Variants in TTBK2 observed in about 807,000 individuals in gnomAD.
TTBK2 encodes tau tubulin kinase 2, also known as tau-tubulin kinase 2.
A neutral mutation model predicts 110.8 loss-of-function variants in TTBK2; 28 were observed. The observed-to-expected ratio is 0.25, with a 90% CI of 0.19 to 0.35. TTBK2 has a LOEUF of 0.35. Among genes scored for constraint, TTBK2 ranks in the 10% least tolerant of loss-of-function variants. TTBK2 has a pLI of 1.00. For missense variants in TTBK2, 1,369 were observed against 1,500.3 expected (o/e 0.91, Z 1.45); for synonymous variants, 532 against 527.3 (o/e 1.01, Z -0.12).
chr15:42,753,071 T>C lies in TTBK2; in HGVS notation c.2175A>G (p.Gly725=), dbSNP rs759376111. ...TCTGAAGCCCCAAATCTGTTCTGCT[T>C]CCTCCACTAGGAGGTTCACCCTCTG... The part of the protein sequence containing the change: ...VVTEGEPPSG[G]SRTDLGLQID... The change falls in exon 14 of 15, where the codon GGA becomes GGG. Residue 725 remains glycine (G), a synonymous_variant. Coordinates refer to ENST00000267890, the MANE Select transcript of TTBK2 (RefSeq NM_173500.4). 23 of 1,610,566 alleles carry C rather than the reference T, an allele frequency of 1.4e-5. No individual in the cohort carries two copies. The South Asian group carries it at 2.3e-4, about 16-fold the overall frequency.
intron 7 of TTBK2, among the ~76,000 whole-genome samples, chr15:42,812,384 G>T (rs1595937192): frequency 6.6e-6 from 1 of 152,154 alleles, no homozygotes; most frequent in African/African-American, 2.4e-5. Context: ...CTGGGAATTT[G>T]TTACCACAGG....
intron 1 of TTBK2, among the ~76,000 whole-genome samples, chr15:42,880,679 C>A (rs1385722959): frequency 6.6e-6 from 1 of 152,128 alleles, no homozygotes; most frequent in Non-Finnish European, 1.5e-5. Flanking sequence ...TAAGCATGAA[C>A]CACTGCACCT....
At chr15:42,797,888 A>T (rs1891015096) in intron 9 of TTBK2, among the ~76,000 whole-genome samples, 1 of 150,390 alleles carries the variant, frequency 6.6e-6, no homozygotes, top group African/African-American at 2.4e-5. Flanking sequence ...TTTTATTTTT[A>T]TTTATTTATT....
At chr15:42,915,066 C>A (rs2031004634) in intron 1 of TTBK2, among the ~76,000 whole-genome samples, 1 of 152,264 alleles carries the variant, frequency 6.6e-6, no homozygotes, top group South Asian at 2.1e-4. Context: ...GCTACTGTTA[C>A]ACAGTAATCC....
At chr15:42,906,838 A>T (rs1288664226) in intron 1 of TTBK2, among the ~76,000 whole-genome samples, 2 of 152,160 alleles carry the variant, frequency 1.3e-5, no homozygotes, top group African/African-American at 2.4e-5. Flanking sequence ...AAAAAAATTA[A>T]ATAATCTGAT....
chr15:42,895,250 AAGTCTTACTGTATAAAGCTACAGT>A (rs1392374301), intron 1 of TTBK2, among the ~76,000 whole-genome samples: 2 of 152,220 alleles, frequency 1.3e-5, no homozygotes, highest in African/African-American at 4.8e-5. Flanking sequence ...ACATGATTTT[AAGTCTTACTGTATAAAGCTACAGT>A]AATCAGATCA....
chr15:42,868,958 G>A (rs1894499118), intron 3 of TTBK2, among the ~76,000 whole-genome samples: 1 of 152,102 alleles, frequency 6.6e-6, no homozygotes, highest in Non-Finnish European at 1.5e-5. Context: ...ATTAAGACTA[G>A]AATGGAAATC....
chr15:42,855,014 AGTT>A (rs1893872354), intron 3 of TTBK2: 1 of 152,216 alleles, frequency 6.6e-6, no homozygotes. Context: ...ATAAAAGTCA[AGTT>A]TAAATATACA....
At chr15:42,763,118 A>G (rs2062059863) in intron 13 of TTBK2, among the ~76,000 whole-genome samples, 3 of 114,714 alleles carry the variant, frequency 2.6e-5, no homozygotes, top group African/African-American at 8.4e-5. Flanking sequence ...ATATATATAT[A>G]CACATATATA....
chr15:42,798,353 C>T (rs1255510434), intron 9 of TTBK2: 1 of 454,398 alleles, frequency 2.2e-6, no homozygotes, highest in Non-Finnish European at 4.4e-6. Flanking sequence ...TCCCATATCT[C>T]TTCATTGGTA....
intron 1 of TTBK2, among the ~76,000 whole-genome samples, chr15:42,907,219 C>T (rs1195495107): frequency 9.9e-5 from 15 of 152,138 alleles, no homozygotes; most frequent in Non-Finnish European, 7.3e-5. Flanking sequence ...AACGCTCATA[C>T]ACTGCTGGTA....
At chr15:42,918,259 A>C (rs1156379507) in intron 1 of TTBK2, among the ~76,000 whole-genome samples, 1 of 151,762 alleles carries the variant, frequency 6.6e-6, no homozygotes, top group East Asian at 1.9e-4. Context: ...TAGAGACAGG[A>C]TCTCCCTGTG....
intron 3 of TTBK2, among the ~76,000 whole-genome samples, chr15:42,858,250 A>T (rs76266894): frequency 6.6e-6 from 1 of 152,086 alleles, no homozygotes; most frequent in African/African-American, 2.4e-5. Context: ...TAGGAACACA[A>T]ATCTATAAAA....
chr15:42,836,142 T>A (rs1030537579), intron 4 of TTBK2, among the ~76,000 whole-genome samples: 6 of 151,918 alleles, frequency 3.9e-5, no homozygotes, highest in Non-Finnish European at 7.4e-5. Context: ...TAAGGTCTTG[T>A]AAGGGGAATT....
chr15:42,864,096 A>G (rs1232217737), intron 3 of TTBK2, among the ~76,000 whole-genome samples: 2 of 152,226 alleles, frequency 1.3e-5, no homozygotes, highest in Non-Finnish European at 2.9e-5. Context: ...TATTTGAACT[A>G]AAGAACTTCC....
intron 3 of TTBK2, among the ~76,000 whole-genome samples, chr15:42,844,306 T>C (rs1305073856): frequency 2.6e-5 from 4 of 152,228 alleles, no homozygotes; most frequent in Non-Finnish European, 5.9e-5. Context: ...CTCATGCCTG[T>C]AATCCCAACA....
chr15:42,919,148 A>T (rs2031239529), intron 1 of TTBK2, among the ~76,000 whole-genome samples: 1 of 152,156 alleles, frequency 6.6e-6, no homozygotes, highest in Non-Finnish European at 1.5e-5. Flanking sequence ...TAAATCAAAG[A>T]TTTCCTTCAA....
At chr15:42,875,769 G>C (rs1346985701) in intron 2 of TTBK2, among the ~76,000 whole-genome samples, 1 of 152,066 alleles carries the variant, frequency 6.6e-6, no homozygotes, top group Non-Finnish European at 1.5e-5. Flanking sequence ...TAGCCAGTGT[G>C]ATGGCGCGTG....
intron 9 of TTBK2, among the ~76,000 whole-genome samples, chr15:42,808,562 G>T (rs1891577327): frequency 6.6e-6 from 1 of 151,994 alleles, no homozygotes; most frequent in Non-Finnish European, 1.5e-5. Flanking sequence ...AATTTTGAAA[G>T]AAAAGACCAG....
Sources: allele counts gnomAD v4.1 joint callset (sites outside exome capture counted in the v4.1 genomes callset), GRCh38; gene constraint gnomAD v4.1.1; transcripts MANE v1.5; gene names NCBI Gene and HGNC (gene_info 2026-07-23, HGNC 2026-07-21).